TAFA2: variants seen among roughly 807,000 people sequenced by gnomAD.
The protein encoded by TAFA2 is TAFA chemokine like family member 2.
Under a neutral mutation model 18.8 loss-of-function variants are expected in TAFA2, and 7 were observed. That is an observed-to-expected ratio of 0.37 (90% CI 0.21 to 0.70). The LOEUF is 0.70. Ranked by LOEUF, TAFA2 falls within the 30% of genes least tolerant of loss-of-function variation. TAFA2 has a pLI of 0.53. For missense variants in TAFA2, 122 were observed against 158.1 expected (o/e 0.77, Z 1.23); for synonymous variants, 60 against 54.2 (o/e 1.11, Z -0.47).
At chr12:61,804,954 C>T (rs187757051) in intron 2 of TAFA2, among the ~76,000 whole-genome samples, 2 of 151,948 alleles carry the variant, frequency 1.3e-5, no homozygotes, top group Admixed American at 1.3e-4. Context: ...TATACTTCTA[C>T]ATAAAAATAA....
At chr12:62,100,186 T>G (rs968427846) in intron 1 of TAFA2, among the ~76,000 whole-genome samples, 1 of 151,186 alleles carries the variant, frequency 6.6e-6, no homozygotes, top group African/African-American at 2.4e-5. Context: ...TTCAAGTTTG[T>G]TCTTTCAATC....
intron 1 of TAFA2, among the ~76,000 whole-genome samples, chr12:61,907,905 T>C (rs1274112323): frequency 6.6e-6 from 1 of 152,196 alleles, no homozygotes; most frequent in Non-Finnish European, 1.5e-5. Context: ...AATTTTGGGC[T>C]TGCATGAGGC....
intron 1 of TAFA2, among the ~76,000 whole-genome samples, chr12:62,235,726 T>C (rs1235510980): frequency 2.6e-5 from 4 of 152,180 alleles, no homozygotes; most frequent in Non-Finnish European, 1.5e-5. Context: ...AGTGGATCTA[T>C]TTTAGGTTTT....
chr12:61,750,638 G>A (rs962376254), intron 4 of TAFA2, among the ~76,000 whole-genome samples: 21 of 152,072 alleles, frequency 1.4e-4, no homozygotes, highest in Non-Finnish European at 2.6e-4. Flanking sequence ...AATTCGGGAA[G>A]GTGCCACTCA....
intron 2 of TAFA2, among the ~76,000 whole-genome samples, chr12:61,824,838 C>T (rs1170871297): frequency 6.6e-6 from 1 of 152,086 alleles, no homozygotes; most frequent in Non-Finnish European, 1.5e-5. Flanking sequence ...AACTTTGTCG[C>T]ACTAAGTTTT....
chr12:62,022,793 G>T (rs140922054), intron 1 of TAFA2, among the ~76,000 whole-genome samples: 23 of 152,100 alleles, frequency 1.5e-4, no homozygotes, highest in Admixed American at 5.9e-4. Flanking sequence ...TATCCACTCC[G>T]ATTATTGACT....
At chr12:61,902,157 G>A (rs1876133865) in intron 1 of TAFA2, among the ~76,000 whole-genome samples, 1 of 149,322 alleles carries the variant, frequency 6.7e-6, no homozygotes, top group South Asian at 2.1e-4. Context: ...CAGCCTCTTG[G>A]TAACCTGTTA....
intron 1 of TAFA2, among the ~76,000 whole-genome samples, chr12:62,004,485 T>G (rs776616021): frequency 5.3e-5 from 8 of 152,118 alleles, no homozygotes; most frequent in Non-Finnish European, 2.9e-5. Context: ...AGAAGAAAAG[T>G]TACTTGAGCT....
At chr12:61,833,905 A>G (rs1403565478) in intron 2 of TAFA2, among the ~76,000 whole-genome samples, 2 of 152,022 alleles carry the variant, frequency 1.3e-5, no homozygotes, top group Non-Finnish European at 2.9e-5. Flanking sequence ...TAAAACACAC[A>G]TAATCAAGCC....
chr12:62,210,240 T>C (rs1489924049), intron 1 of TAFA2, among the ~76,000 whole-genome samples: 1 of 151,786 alleles, frequency 6.6e-6, no homozygotes, highest in Non-Finnish European at 1.5e-5. Flanking sequence ...GATTTACAAA[T>C]AGATTATTTT....
chr12:62,246,845 T>C (rs1030435009), intron 1 of TAFA2, among the ~76,000 whole-genome samples: 2 of 152,196 alleles, frequency 1.3e-5, no homozygotes, highest in Non-Finnish European at 2.9e-5. Flanking sequence ...TCCATTTGCC[T>C]GGCATGTTGT....
intron 1 of TAFA2, among the ~76,000 whole-genome samples, chr12:62,120,845 A>G (rs1870160116): frequency 6.7e-6 from 1 of 149,724 alleles, no homozygotes; most frequent in African/African-American, 2.5e-5. Context: ...TATTATTATT[A>G]TTTATTTTAT....
chr12:62,163,276 C>T (rs2062417452), intron 1 of TAFA2, among the ~76,000 whole-genome samples: 1 of 152,074 alleles, frequency 6.6e-6, no homozygotes, highest in Non-Finnish European at 1.5e-5. Flanking sequence ...AAAAATGAGC[C>T]TCAGTTCTAG....
At chr12:61,771,762 G>C (rs1394475635) in intron 2 of TAFA2, among the ~76,000 whole-genome samples, 1 of 151,602 alleles carries the variant, frequency 6.6e-6, no homozygotes, top group African/African-American at 2.4e-5. Context: ...AGCATTGAAT[G>C]CCTACATCAA....
chr12:61,924,526 G>A (rs537293720), intron 1 of TAFA2, among the ~76,000 whole-genome samples: 3 of 152,262 alleles, frequency 2.0e-5, no homozygotes, highest in African/African-American at 7.2e-5. Context: ...ATCCTTCACA[G>A]GCAAGCAAAT....
chr12:61,805,424 A>G (rs1035271034), intron 2 of TAFA2, among the ~76,000 whole-genome samples: 1 of 152,096 alleles, frequency 6.6e-6, no homozygotes, highest in Non-Finnish European at 1.5e-5. Context: ...ATGCCATACT[A>G]TATTTACAAT....
chr12:61,851,347 G>A (rs1873635134), intron 2 of TAFA2, among the ~76,000 whole-genome samples: 1 of 152,126 alleles, frequency 6.6e-6, no homozygotes, highest in African/African-American at 2.4e-5. Context: ...GGGGAATGTG[G>A]CATAAAGGGG....
chr12:62,130,806 G>A (rs1269800044), intron 1 of TAFA2, among the ~76,000 whole-genome samples: 2 of 151,968 alleles, frequency 1.3e-5, no homozygotes, highest in African/African-American at 4.8e-5. Flanking sequence ...AGAGGGACAT[G>A]CCTATTTTTG....
At chr12:62,178,811 A>G (rs2062532553) in intron 1 of TAFA2, among the ~76,000 whole-genome samples, 1 of 152,222 alleles carries the variant, frequency 6.6e-6, no homozygotes, top group Admixed American at 6.5e-5. Flanking sequence ...TAATCCAGAG[A>G]CAGAGATTGT....
Sources: allele counts gnomAD v4.1 joint callset (sites outside exome capture counted in the v4.1 genomes callset), GRCh38; gene constraint gnomAD v4.1.1; transcripts MANE v1.5; gene names NCBI Gene and HGNC (gene_info 2026-07-23, HGNC 2026-07-21).